RBP2: variants seen among roughly 807,000 people sequenced by gnomAD.
RBP2 encodes retinol binding protein 2.
A neutral mutation model predicts 17.0 loss-of-function variants in RBP2; 17 were observed. The observed-to-expected ratio is 1.00, with a 90% CI of 0.68 to 1.50. The LOEUF (loss-of-function observed/expected upper bound fraction) is 1.50. RBP2 is among the 40% of genes most tolerant of loss of function. The pLI is 0.00. For missense variants in RBP2, 158 were observed against 168.2 expected (o/e 0.94, Z 0.33); for synonymous variants, 48 against 57.1 (o/e 0.84, Z 0.72).
intron 1 of RBP2, among the ~76,000 whole-genome samples, chr3:139,475,014 G>A (rs1933687452): frequency 6.6e-6 from 1 of 152,036 alleles, no homozygotes; most frequent in Non-Finnish European, 1.5e-5. Flanking sequence ...ATTCAGTGTT[G>A]GAAACCAGTC....
chr3:139,464,042 C>CA (rs1460076486), intron 1 of RBP2, among the ~76,000 whole-genome samples: 6 of 152,196 alleles, frequency 3.9e-5, no homozygotes, highest in African/African-American at 1.4e-4. Flanking sequence ...AAAGACAGAG[C>CA]AGCAGGTAGC....
chr3:139,459,400 A>ATGTGTG (rs57107462), intron 2 of RBP2, among the ~76,000 whole-genome samples: 3,197 of 128,512 alleles, frequency 0.025, 70 homozygotes, highest in Middle Eastern at 0.043. Context: ...TACTATATAT[A>ATGTGTG]TGTGTGTGTG....
At chr3:139,467,891 C>T (rs1396768386) in intron 1 of RBP2, among the ~76,000 whole-genome samples, 1 of 152,122 alleles carries the variant, frequency 6.6e-6, no homozygotes, top group African/African-American at 2.4e-5. Context: ...GGCATTTTAT[C>T]CAGCCTGGCA....
intron 1 of RBP2, among the ~76,000 whole-genome samples, chr3:139,468,230 C>A (rs1933428837): frequency 6.6e-6 from 1 of 152,176 alleles, no homozygotes; most frequent in African/African-American, 2.4e-5. Flanking sequence ...GTGGTGAGCT[C>A]AGAGCTACCC....
chr3:139,463,296 C>A (rs1933254541), intron 1 of RBP2, among the ~76,000 whole-genome samples: 2 of 152,098 alleles, frequency 1.3e-5, no homozygotes, highest in South Asian at 4.2e-4. Flanking sequence ...ATGCCATTCT[C>A]TTGCCTCAGC....
Position 139,454,825 on chromosome 3 carries a change from C to A in RBP2, c.258G>T (p.Leu86=), listed in dbSNP as rs757630213. 2.5e-6 allele frequency: 4 copies of A among 1,613,902 alleles called. No individual in the cohort carries two copies. In the South Asian group the frequency reaches 3.3e-5, roughly 13 times the overall value. ...KSLDNRHVKA[L]VTWEGDVLVC... ...CAAGGACATCACCTTCCCAGGTGAC[C>A]AGTGCCTGTAAAGACAGATTCCCAG... Residue 86 remains leucine (L), a synonymous_variant, in exon 3 of 4, where the codon CTG becomes CTT. Transcript: ENST00000232217.
In RBP2 at chr3:139,461,996, C is replaced by T. The variant is rs1933205524; in HGVS notation, c.252+116G>A. 5 of 1,096,096 alleles carry T rather than the reference C, an allele frequency of 4.6e-6. No individual in the cohort carries two copies. In the East Asian group the frequency reaches 1.2e-4, roughly 27 times the overall value. The allele number at this position is 1,096,096 out of a possible 1,614,324, so 67.9% of individuals were successfully genotyped here. On this transcript the variant is annotated intron_variant, in intron 2 of 3. Coordinates refer to ENST00000232217, the MANE Select transcript of RBP2 (RefSeq NM_004164.3). ...CCAGCATGATTAAGGCCATCCTGGT[C>T]CTCCTTTCCTGATTTTTCCCAGGTT...
intron 2 of RBP2, among the ~76,000 whole-genome samples, chr3:139,455,306 T>C (rs960010278): frequency 6.6e-6 from 1 of 152,162 alleles, no homozygotes; most frequent in African/African-American, 2.4e-5. Flanking sequence ...ACAAAGAACA[T>C]GAACCAACAG....
chr3:139,475,591 A>G (rs897173979), intron 1 of RBP2, among the ~76,000 whole-genome samples: 3 of 152,152 alleles, frequency 2.0e-5, no homozygotes, highest in Non-Finnish European at 2.9e-5. Context: ...TATGTGGAGA[A>G]CTTTAAAGCT....
intron 3 of RBP2, among the ~76,000 whole-genome samples, chr3:139,453,431 C>T (rs1943345558): frequency 6.6e-6 from 1 of 152,232 alleles, no homozygotes; most frequent in Admixed American, 6.5e-5. Flanking sequence ...CTCCTACTCC[C>T]ATGATTAAAG....
chr3:139,468,121 A>G (rs1933425972), intron 1 of RBP2, among the ~76,000 whole-genome samples: 1 of 152,318 alleles, frequency 6.6e-6, no homozygotes, highest in Admixed American at 6.5e-5. Context: ...ACTAAGGAAT[A>G]ATTGAAAATC....
intron 1 of RBP2, among the ~76,000 whole-genome samples, chr3:139,475,826 GGTA>G (rs1933720384): frequency 1.3e-5 from 2 of 152,180 alleles, no homozygotes; most frequent in African/African-American, 4.8e-5. Context: ...TGCACCAATT[GGTA>G]GCCCTTGGCC....
At chr3:139,455,670 A>G (rs770852971) in intron 2 of RBP2, among the ~76,000 whole-genome samples, 2 of 152,304 alleles carry the variant, frequency 1.3e-5, no homozygotes, top group Non-Finnish European at 2.9e-5. Flanking sequence ...TAGGACACCA[A>G]TAAAGGCAGG....
At chr3:139,460,494 T>G (rs778166064) in intron 2 of RBP2, among the ~76,000 whole-genome samples, 19 of 152,224 alleles carry the variant, frequency 1.2e-4, no homozygotes, top group Admixed American at 3.3e-4. Flanking sequence ...AAATAAAGTG[T>G]GTCCAGCTCT....
chr3:139,455,163 C>T (rs1020717348), intron 2 of RBP2, among the ~76,000 whole-genome samples: 1 of 151,950 alleles, frequency 6.6e-6, no homozygotes, highest in African/African-American at 2.4e-5. Context: ...GGGGAAAATA[C>T]CTTAAAGTCA....
In RBP2 at chr3:139,454,942, G is replaced by A. The variant is rs376048993; in HGVS notation, c.253-112C>T. The A allele has an allele frequency of 9.4e-5, 98 of 1,046,296 alleles. No individual in the cohort carries two copies. The African/African-American group carries it at 1.5e-3, about 16-fold the overall frequency. The allele number at this position is 1,046,296 out of a possible 1,614,324, so 64.8% of individuals were successfully genotyped here. A position where few individuals can be genotyped will look rare whatever the true frequency, so the allele number is the denominator to read the frequency against. ...ATTTCAGGGTCTTGCTTACTCGAAG[G>A]GCAGAGCCCTCAGCCTCAGGGAGCC... On this transcript the variant is annotated intron_variant, in intron 2 of 3. Coordinates refer to ENST00000232217, the MANE Select transcript of RBP2 (RefSeq NM_004164.3).
In RBP2 at chr3:139,462,200, G is replaced by A. The variant is rs1933213697; in HGVS notation, c.164C>T (p.Thr55Ile). Residue 55 changes from threonine (T) to isoleucine (I), a missense_variant, in exon 2 of 4, where the codon ACT becomes ATT. Thr to Ile is a moderately conservative substitution (Grantham distance 89). Transcript: ENST00000232217. Reference protein sequence around the residue: ...QDGDNFKTKTTSTFRNYDVDF... With the variant: ...QDGDNFKTKTISTFRNYDVDF... ...CACATCATAGTTGCGGAATGTGCTA[G>A]TGGTTTTTGTCTTGAAGTTATCACC... The A allele has an allele frequency of 1.2e-6, 2 of 1,613,998 alleles. No individual in the cohort carries two copies. Among genetic ancestry groups the A allele is most frequent in the Admixed American group, 1.7e-5 (1 of 59,994 alleles).
At chr3:139,475,091 G>A (rs912987454) in intron 1 of RBP2, among the ~76,000 whole-genome samples, 2 of 152,068 alleles carry the variant, frequency 1.3e-5, no homozygotes, top group Non-Finnish European at 2.9e-5. Flanking sequence ...GGAGGCCGAG[G>A]CGGGTGGATC....
chr3:139,469,675 G>A (rs1032113850), intron 1 of RBP2, among the ~76,000 whole-genome samples: 1 of 134,494 alleles, frequency 7.4e-6, no homozygotes, highest in African/African-American at 2.8e-5. Context: ...CTGTCTGTCT[G>A]TCTGTCTGTC....
Sources: gnomAD v4.1 joint callset for allele counts (sites outside exome capture counted in the v4.1 genomes callset) on GRCh38, gnomAD v4.1.1 for gene constraint, MANE v1.5 for transcripts, NCBI Gene and HGNC (gene_info 2026-07-23, HGNC 2026-07-21) for gene names.